Variants in ELMOD3 observed in about 807,000 individuals in gnomAD.
ELMOD3 encodes the protein ELMO domain containing 3, also known as ELMO domain-containing protein 3.
In ELMOD3, 36 loss-of-function variants were observed where a neutral mutation model predicts 47.4. That is an observed-to-expected ratio of 0.76 (90% confidence interval 0.58 to 1.00). The LOEUF (loss-of-function observed/expected upper bound fraction) is 1.00, where lower values mean the gene tolerates loss of function less well. Ranked by LOEUF, ELMOD3 falls within the 50% of genes least tolerant of loss-of-function variation. The pLI, the probability that ELMOD3 is intolerant of heterozygous loss-of-function variation, is 0.00. For synonymous variants in ELMOD3, 149 were observed against 183.5 expected (o/e 0.81, Z 1.52); for missense variants, 404 against 463.8 (o/e 0.87, Z 1.18).
chr2:85,379,362 A>G (rs1174480527), intron 11 of ELMOD3, among the ~76,000 whole-genome samples: 1 of 152,064 alleles, frequency 6.6e-6, no homozygotes, highest in Non-Finnish European at 1.5e-5. Flanking sequence ...ACATGCCACC[A>G]CGTCCGGCTA....
chr2:85,356,175 T>C (rs1255502345), intron 3 of ELMOD3: 2 of 152,276 alleles, frequency 1.3e-5, no homozygotes, highest in African/African-American at 4.8e-5. Flanking sequence ...GACTTAGAAT[T>C]GCCCAAACTG....
chr2:85,357,358 A>C, intron 4 of ELMOD3, 106 bp downstream of exon 4: 1 of 663,638 alleles, frequency 1.5e-6, no homozygotes, highest in South Asian at 2.3e-5. Flanking sequence ...AGAAACCCTC[A>C]TTATAGTTCT....
intron 10 of ELMOD3, among the ~76,000 whole-genome samples, chr2:85,374,837 C>T (rs986667111): frequency 1.3e-5 from 2 of 151,692 alleles, no homozygotes; most frequent in Non-Finnish European, 1.5e-5. Context: ...GCTGGCCGGG[C>T]GCGGTGGCTC....
intron 11 of ELMOD3, among the ~76,000 whole-genome samples, chr2:85,379,144 C>T (rs536690333): frequency 6.6e-6 from 1 of 152,004 alleles, no homozygotes; most frequent in African/African-American, 2.4e-5. Flanking sequence ...TTCAGTGACT[C>T]CAAATTAGGA....
intron 9 of ELMOD3, 43 bp from the exon 10 acceptor site, chr2:85,371,397 T>A (rs1308999757): frequency 6.2e-7 from 1 of 1,612,414 alleles, no homozygotes; most frequent in Non-Finnish European, 8.5e-7. Context: ...GGTTCTCCCA[T>A]GAGGGGCAAT....
At chr2:85,383,038 A>G (rs1202788898) in intron 11 of ELMOD3, among the ~76,000 whole-genome samples, 1 of 151,248 alleles carries the variant, frequency 6.6e-6, no homozygotes, top group Non-Finnish European at 1.5e-5. Context: ...GGAAACAGGA[A>G]ATCTTACCTT....
intron 11 of ELMOD3, among the ~76,000 whole-genome samples, chr2:85,381,842 G>A (rs150130558): frequency 0.049 from 7,456 of 152,188 alleles, 273 homozygotes; most frequent in Non-Finnish European, 0.072. Context: ...TTTGGGCTGG[G>A]CGCGGTGGCT....
chr2:85,377,270 G>A (rs980620997), intron 10 of ELMOD3, 74 bp from the exon 11 acceptor site: 488 of 1,398,572 alleles, frequency 3.5e-4, no homozygotes, highest in Non-Finnish European at 4.5e-4. Flanking sequence ...GCCAGTGTCA[G>A]GGCAGCTTCC....
chr2:85,364,825 A>ATATATATATATTTTTTT (rs375582916), intron 6 of ELMOD3, among the ~76,000 whole-genome samples: 6 of 69,892 alleles, frequency 8.6e-5, no homozygotes, highest in Non-Finnish European at 1.3e-4. Flanking sequence ...ATATATATAT[A>ATATATATATATTTTTTT]TTTTTTTTTT....
chr2:85,371,303 C>G (rs1172150138), intron 9 of ELMOD3, 94 bp downstream of exon 9: 2 of 1,604,662 alleles, frequency 1.2e-6, no homozygotes, highest in Non-Finnish European at 1.7e-6. Flanking sequence ...AGGAATATTG[C>G]ATGTACCATG....
intron 6 of ELMOD3, among the ~76,000 whole-genome samples, chr2:85,364,370 G>A (rs1025645392): frequency 6.6e-6 from 1 of 151,870 alleles, no homozygotes; most frequent in East Asian, 1.9e-4. Context: ...CAAATCACGA[G>A]GTCAGGAGTT....
At chr2:85,369,022 G>A (rs890299817) in intron 7 of ELMOD3, among the ~76,000 whole-genome samples, 12 of 152,216 alleles carry the variant, frequency 7.9e-5, no homozygotes, top group Non-Finnish European at 1.6e-4. Flanking sequence ...AGACAGGGTT[G>A]ACCTTGGTTA....
chr2:85,367,916 C>CTTTTT (rs1202869090), intron 6 of ELMOD3, among the ~76,000 whole-genome samples: 2 of 141,330 alleles, frequency 1.4e-5, no homozygotes, highest in Admixed American at 7.1e-5. Flanking sequence ...CTTTTCTTTT[C>CTTTTT]TTTTTTTTTT....
At chr2:85,390,612 G>T in intron 13 of ELMOD3, 148 bp from the exon 14 acceptor site, 1 of 1,519,360 alleles carries the variant, frequency 6.6e-7, no homozygotes, top group Non-Finnish European at 8.8e-7. Context: ...CTACCTCTCT[G>T]GTGATCTCTC....
At position 85,364,820 on chromosome 2, in the gene ELMOD3, TATA is replaced by T. The variant is rs1285289173; in HGVS notation, c.199+1655_199+1657del. 1.0e-3 allele frequency among the ~76,000 whole-genome samples: 93 copies of T among 93,262 alleles called. 1 individual carries two copies. The highest frequency in any genetic ancestry group is 9.9e-4 in the Non-Finnish European group (48 of 48,394). The allele number at this position is 93,262 out of a possible 152,430, so 61.2% of individuals were successfully genotyped here. A position where few individuals can be genotyped will look rare whatever the true frequency, so the allele number is the denominator to read the frequency against. On this transcript the variant is annotated intron_variant, in intron 6 of 13. Coordinates refer to ENST00000409013, the MANE Select transcript of ELMOD3 (RefSeq NM_001135022.2). Reference sequence around the variant, plus strand: ...CTTTAAATACATATATATATATATATATATATTTTTTTTTTTTTTTTTTTTTTT... The same window carrying T: ...CTTTAAATACATATATATATATATATTATTTTTTTTTTTTTTTTTTTTTTT...
intron 11 of ELMOD3, among the ~76,000 whole-genome samples, chr2:85,380,489 T>C (rs973246664): frequency 6.6e-6 from 1 of 152,208 alleles, no homozygotes; most frequent in African/African-American, 2.4e-5. Context: ...AAACCTGCAT[T>C]CAAGAGCCCC....
intron 3 of ELMOD3, chr2:85,355,824 T>C (rs1274625740): frequency 6.6e-6 from 1 of 152,084 alleles, no homozygotes; most frequent in Non-Finnish European, 1.5e-5. Flanking sequence ...GTTCCTGGGG[T>C]GCCAGGACTA....
chr2:85,371,525 CCTTCATGGAAACCA>C lies in ELMOD3; in HGVS notation c.573_586del (p.His192GlyfsTer79), dbSNP rs758403657. The C allele has an allele frequency of 1.9e-6, 3 of 1,614,184 alleles. No individual in the cohort carries two copies. In the Admixed American group the frequency reaches 5.0e-5, roughly 27 times the overall value. On this transcript the variant is annotated frameshift_variant, in exon 10 of 14. Transcript: ENST00000409013. LOFTEE classifies it high-confidence loss of function. ...TGACCGGCTCCAAGTTTGACTGTGC[CCTTCATGGAAACCA>C]CTGGGAGGACCTGGGCTTTCAGGGT...
chr2:85,362,587 TC>T (rs1399596378), intron 5 of ELMOD3, among the ~76,000 whole-genome samples: 2 of 152,184 alleles, frequency 1.3e-5, no homozygotes, highest in Non-Finnish European at 2.9e-5. Context: ...TCACCCAAGT[TC>T]CACATCATAG....
Sources: allele counts gnomAD v4.1 joint callset (sites outside exome capture counted in the v4.1 genomes callset), GRCh38; gene constraint gnomAD v4.1.1; transcripts MANE v1.5; gene names NCBI Gene and HGNC (gene_info 2026-07-23, HGNC 2026-07-21).